The following MACROD2 variants were observed in gnomAD, a reference collection of about 807,000 sequenced individuals.
MACROD2 encodes the protein mono-ADP ribosylhydrolase 2.
MACROD2 carries 36 observed loss-of-function variants against 70.4 expected under a neutral mutation model. The ratio of observed to expected loss-of-function variants is 0.51; its 90% confidence interval spans 0.39 to 0.68. The LOEUF (loss-of-function observed/expected upper bound fraction) is 0.68, where lower values mean the gene tolerates loss of function less well. Ranked by LOEUF, MACROD2 falls within the 30% of genes least tolerant of loss-of-function variation. The probability of loss-of-function intolerance (pLI) is 0.00; values close to 1 mark genes in which losing one functional copy is unlikely to be tolerated. For missense variants in MACROD2, 496 were observed against 538.4 expected (o/e 0.92, Z 0.78); for synonymous variants, 172 against 178.8 (o/e 0.96, Z 0.30).
intron 2 of MACROD2, among the ~76,000 whole-genome samples, chr20:14,002,921 T>C (rs989873993): frequency 1.1e-4 from 17 of 152,350 alleles, no homozygotes; most frequent in African/African-American, 3.8e-4. Flanking sequence ...ACTCTCAAAG[T>C]CTTTATGATT....
In MACROD2 at chr20:15,302,269, C is replaced by T. The variant is rs944114949; in HGVS notation, c.540+72208C>T. Among the ~76,000 whole-genome samples the T allele has an allele frequency of 3.9e-5, 6 of 152,080 alleles. No individual in the cohort carries two copies. In the South Asian group the frequency reaches 1.2e-3, roughly 32 times the overall value. On this transcript the variant is annotated intron_variant, in intron 6 of 17. Coordinates refer to ENST00000684519, the MANE Select transcript of MACROD2 (RefSeq NM_001351661.2). ...CGTTGACTATATTTCATTTCTTTCT[C>T]TTCTGGTGATCAAATGCATGAGCTT...
At chr20:15,555,943 G>T (rs2048164379) in intron 8 of MACROD2, among the ~76,000 whole-genome samples, 1 of 150,778 alleles carries the variant, frequency 6.6e-6, no homozygotes, top group East Asian at 2.0e-4. Context: ...TCCAAATGAA[G>T]AACATGTTTA....
At chr20:14,400,826 T>C (rs1443513524) in intron 3 of MACROD2, among the ~76,000 whole-genome samples, 3 of 152,190 alleles carry the variant, frequency 2.0e-5, no homozygotes, top group African/African-American at 7.2e-5. Context: ...TATTCTATCT[T>C]GTCCAGCAGT....
Position 14,628,741 on chromosome 20 carries a change from G to A in MACROD2, c.302-56102G>A, listed in dbSNP as rs1006807402. 3.9e-5 allele frequency: 6 copies of A among 152,182 alleles called. 1 individual carries two copies. The highest frequency in any genetic ancestry group is 2.6e-4 in the Admixed American group (4 of 15,284). The allele number at this position is 152,182 out of a possible 1,614,324, so 9.4% of individuals were successfully genotyped here. On this transcript the variant is annotated intron_variant, in intron 4 of 17. Transcript: ENST00000684519. ...AGCCATGGATGATCTCATTCCAGGA[G>A]CACATATACAGTGGGAAGAGAATGA...
intron 3 of MACROD2, among the ~76,000 whole-genome samples, chr20:14,461,327 A>G (rs557366415): frequency 6.6e-6 from 1 of 151,566 alleles, no homozygotes; most frequent in East Asian, 1.9e-4. Flanking sequence ...TTCTTCTTTA[A>G]CAGTCTGGCT....
intron 6 of MACROD2, among the ~76,000 whole-genome samples, chr20:15,363,936 C>A (rs879414379): frequency 6.6e-6 from 1 of 152,098 alleles, no homozygotes; most frequent in African/African-American, 2.4e-5. Context: ...TTATGTTTTG[C>A]TTACGTTTTT....
intron 5 of MACROD2, among the ~76,000 whole-genome samples, chr20:15,002,274 C>G (rs1420610904): frequency 1.3e-5 from 2 of 151,978 alleles, no homozygotes; most frequent in African/African-American, 2.4e-5. Context: ...ACACAAACAT[C>G]TAGTATTTTT....
intron 7 of MACROD2, among the ~76,000 whole-genome samples, chr20:15,438,166 A>G (rs2046451137): frequency 6.6e-6 from 1 of 151,972 alleles, no homozygotes; most frequent in Non-Finnish European, 1.5e-5. Flanking sequence ...AAAAAAAAAG[A>G]ATGATTTATA....
At chr20:14,406,243 A>G (rs2083689635) in intron 3 of MACROD2, among the ~76,000 whole-genome samples, 1 of 152,176 alleles carries the variant, frequency 6.6e-6, no homozygotes, top group Admixed American at 6.5e-5. Flanking sequence ...AGTAAATAGG[A>G]TAGCAGTAAA....
At chr20:15,780,063 C>T (rs1008303837) in intron 8 of MACROD2, among the ~76,000 whole-genome samples, 1 of 152,056 alleles carries the variant, frequency 6.6e-6, no homozygotes, top group African/African-American at 2.4e-5. Flanking sequence ...ACACATCTGT[C>T]TTCTCAGGGA....
chr20:14,986,019 T>C (rs1340539053), intron 5 of MACROD2, among the ~76,000 whole-genome samples: 1 of 152,136 alleles, frequency 6.6e-6, no homozygotes, highest in Non-Finnish European at 1.5e-5. Context: ...TTGATTTTAG[T>C]CTGAAGATTG....
chr20:15,314,632 G>A (rs1187142279), intron 6 of MACROD2, among the ~76,000 whole-genome samples: 2 of 152,138 alleles, frequency 1.3e-5, no homozygotes, highest in African/African-American at 2.4e-5. Context: ...GATGCAAGTT[G>A]TTTGTCTTTA....
At chr20:14,900,644 C>T (rs1244882256) in intron 5 of MACROD2, among the ~76,000 whole-genome samples, 1 of 151,774 alleles carries the variant, frequency 6.6e-6, no homozygotes, top group Non-Finnish European at 1.5e-5. Context: ...TCTGCGAGGT[C>T]AGTAGTAATG....
intron 3 of MACROD2, among the ~76,000 whole-genome samples, chr20:14,218,954 T>C (rs979737979): frequency 2.6e-5 from 4 of 152,212 alleles, no homozygotes. Flanking sequence ...TTCTGTCTCA[T>C]GGCTCTTAAG....
intron 5 of MACROD2, among the ~76,000 whole-genome samples, chr20:14,931,118 T>C (rs563501931): frequency 6.6e-6 from 1 of 152,246 alleles, no homozygotes; most frequent in African/African-American, 2.4e-5. Context: ...AAAATTTTCT[T>C]ATTCAGAATA....
intron 9 of MACROD2, among the ~76,000 whole-genome samples, chr20:15,881,161 T>TA (rs1373820339): frequency 6.6e-6 from 1 of 152,076 alleles, no homozygotes; most frequent in African/African-American, 2.4e-5. Flanking sequence ...AAAATAGTTA[T>TA]AAAAATGACA....
intron 5 of MACROD2, among the ~76,000 whole-genome samples, chr20:15,005,811 C>CTGCT (rs2075031100): frequency 6.6e-6 from 1 of 152,124 alleles, no homozygotes; most frequent in South Asian, 2.1e-4. Context: ...GACTGGTTGG[C>CTGCT]TGCTTGTGGA....
At chr20:16,023,761 T>C (rs755448384) in intron 15 of MACROD2, among the ~76,000 whole-genome samples, 36 of 152,134 alleles carry the variant, frequency 2.4e-4, no homozygotes, top group Non-Finnish European at 4.7e-4. Flanking sequence ...GCTGGGCTGT[T>C]ACCCAGTGAC....
chr20:14,973,932 A>G (rs750776106), intron 5 of MACROD2, among the ~76,000 whole-genome samples: 2 of 152,206 alleles, frequency 1.3e-5, no homozygotes, highest in Non-Finnish European at 2.9e-5. Flanking sequence ...TAATGTTTCC[A>G]AAAAGAAAGA....
Sources: gnomAD v4.1 joint callset for allele counts (sites outside exome capture counted in the v4.1 genomes callset) on GRCh38, gnomAD v4.1.1 for gene constraint, MANE v1.5 for transcripts, NCBI Gene and HGNC (gene_info 2026-07-23, HGNC 2026-07-21) for gene names.